The following ESRRG variants were observed in gnomAD, a reference collection of about 807,000 sequenced individuals.
ESRRG encodes estrogen-related receptor gamma.
A neutral mutation model predicts 44.0 loss-of-function variants in ESRRG; 13 were observed. The observed-to-expected ratio is 0.30, with a 90% CI of 0.19 to 0.47. The LOEUF (loss-of-function observed/expected upper bound fraction) is 0.47, where lower values mean the gene tolerates loss of function less well. Ranked by LOEUF, ESRRG falls within the 20% of genes least tolerant of loss-of-function variation. The pLI is 1.00. For synonymous variants in ESRRG, 215 were observed against 214.6 expected, an observed-to-expected ratio of 1.00 and a Z score of -0.02; for missense variants, 395 against 580.6, an observed-to-expected ratio of 0.68 and a Z score of 3.29.
chr1:216,565,881 A>G (rs917219357), intron 4 of ESRRG, among the ~76,000 whole-genome samples: 3 of 152,174 alleles, frequency 2.0e-5, no homozygotes, highest in Non-Finnish European at 2.9e-5. Context: ...TTGCTCTGAC[A>G]ATGCAACAAA....
chr1:216,994,991 T>C (rs561514457), intron 1 of ESRRG, among the ~76,000 whole-genome samples: 6 of 152,202 alleles, frequency 3.9e-5, no homozygotes, highest in Admixed American at 6.5e-5. Context: ...CTTTGCTGTT[T>C]ACTGTGATGA....
chr1:216,972,612 T>TATG (rs1560315641), intron 1 of ESRRG, among the ~76,000 whole-genome samples: 1 of 152,122 alleles, frequency 6.6e-6, no homozygotes, highest in Non-Finnish European at 1.5e-5. Context: ...CCTCAGAAGG[T>TATG]ATGGTCTCAG....
chr1:217,107,542 A>G (rs1181027292), intron 1 of ESRRG, among the ~76,000 whole-genome samples: 1 of 152,224 alleles, frequency 6.6e-6, no homozygotes, highest in Non-Finnish European at 1.5e-5. Context: ...AGACATAGGA[A>G]AAGGTATCAG....
chr1:217,047,118 C>T (rs1347248518), intron 1 of ESRRG, among the ~76,000 whole-genome samples: 1 of 151,752 alleles, frequency 6.6e-6, no homozygotes, highest in Non-Finnish European at 1.5e-5. Flanking sequence ...CCTGTGCCTA[C>T]CATGAAGTGG....
chr1:217,007,516 G>T (rs2077922487), intron 1 of ESRRG, among the ~76,000 whole-genome samples: 1 of 152,116 alleles, frequency 6.6e-6, no homozygotes, highest in Non-Finnish European at 1.5e-5. Flanking sequence ...AAAAATACTT[G>T]CAACGATTAT....
At chr1:216,826,146 A>G (rs932788842) in intron 2 of ESRRG, among the ~76,000 whole-genome samples, 3 of 151,904 alleles carry the variant, frequency 2.0e-5, no homozygotes, top group Admixed American at 1.3e-4. Context: ...TTCTAATGAT[A>G]AAGTGCTCAA....
At chr1:217,086,948 TG>T (rs1423082880) in intron 1 of ESRRG, among the ~76,000 whole-genome samples, 1 of 152,170 alleles carries the variant, frequency 6.6e-6, no homozygotes, top group Admixed American at 6.5e-5. Flanking sequence ...TAAAGCTACT[TG>T]TATTGACACA....
intron 1 of ESRRG, among the ~76,000 whole-genome samples, chr1:217,023,250 G>T (rs1386565171): frequency 6.6e-6 from 1 of 152,142 alleles, no homozygotes; most frequent in African/African-American, 2.4e-5. Context: ...GGAATCAGCT[G>T]CAATCGTACA....
intron 5 of ESRRG, among the ~76,000 whole-genome samples, chr1:216,561,110 T>C (rs1170422999): frequency 6.6e-6 from 1 of 152,198 alleles, no homozygotes; most frequent in Non-Finnish European, 1.5e-5. Context: ...GATTTATTAA[T>C]GTAAGTCAAC....
At chr1:216,737,995 C>CTTTT (rs144453643) in intron 2 of ESRRG, among the ~76,000 whole-genome samples, 6 of 119,636 alleles carry the variant, frequency 5.0e-5, no homozygotes, top group Non-Finnish European at 1.0e-4. Flanking sequence ...TGAGACATCA[C>CTTTT]TTTTTTTTTT....
intron 1 of ESRRG, among the ~76,000 whole-genome samples, chr1:217,101,664 C>A (rs898452411): frequency 6.6e-6 from 1 of 152,208 alleles, no homozygotes; most frequent in Non-Finnish European, 1.5e-5. Flanking sequence ...CACTCCACCT[C>A]CCACATCAGC....
intron 1 of ESRRG, among the ~76,000 whole-genome samples, chr1:217,055,226 G>T (rs984095121): frequency 9.9e-5 from 15 of 152,096 alleles, no homozygotes; most frequent in African/African-American, 3.6e-4. Flanking sequence ...TTCTGGTGAG[G>T]TGTTGTGCTG....
chr1:217,035,484 T>G (rs199574591), intron 1 of ESRRG, among the ~76,000 whole-genome samples: 1 of 152,020 alleles, frequency 6.6e-6, no homozygotes, highest in Non-Finnish European at 1.5e-5. Flanking sequence ...GGAGGCCTAT[T>G]TTTTTACTAA....
chr1:216,933,677 C>T (rs1437502826), intron 2 of ESRRG, among the ~76,000 whole-genome samples: 1 of 152,182 alleles, frequency 6.6e-6, no homozygotes, highest in African/African-American at 2.4e-5. Flanking sequence ...TTGGTTTTAA[C>T]ATACTGACTT....
At chr1:216,715,210 A>G (rs1575665247) in intron 1 of ESRRG, 1 of 985,378 alleles carries the variant, frequency 1.0e-6, no homozygotes, top group Non-Finnish European at 1.2e-6. Flanking sequence ...CATCTGTGAC[A>G]CTATGATCCC....
At chr1:216,780,526 G>C (rs2093894175) in intron 2 of ESRRG, among the ~76,000 whole-genome samples, 1 of 152,038 alleles carries the variant, frequency 6.6e-6, no homozygotes, top group African/African-American at 2.4e-5. Context: ...CAGATACTGT[G>C]TGTACATTAT....
chr1:216,692,103 T>C (rs2079150159), intron 1 of ESRRG, among the ~76,000 whole-genome samples: 1 of 152,208 alleles, frequency 6.6e-6, no homozygotes, highest in East Asian at 1.9e-4. Context: ...GTACTCCTTC[T>C]ACTTATTAAA....
chr1:216,783,710 G>A (rs915841746), intron 2 of ESRRG, among the ~76,000 whole-genome samples: 2 of 151,866 alleles, frequency 1.3e-5, no homozygotes, highest in African/African-American at 2.4e-5. Context: ...TTCTTGGACC[G>A]TGACAGTACT....
At chr1:216,578,594 C>CTGA (rs1392179036) in intron 3 of ESRRG, among the ~76,000 whole-genome samples, 1 of 152,082 alleles carries the variant, frequency 6.6e-6, no homozygotes, top group African/African-American at 2.4e-5. Context: ...GATTCAGAGT[C>CTGA]TGATATGAAA....
Sources: gnomAD v4.1 joint callset for allele counts (sites outside exome capture counted in the v4.1 genomes callset) on GRCh38, gnomAD v4.1.1 for gene constraint, MANE v1.5 for transcripts, NCBI Gene and HGNC (gene_info 2026-07-23, HGNC 2026-07-21) for gene names.